The following NSUN3 variants were observed in gnomAD, a reference collection of about 807,000 sequenced individuals.
NSUN3 encodes the protein NOP2/Sun RNA methyltransferase 3.
In NSUN3, 24 loss-of-function variants were observed where a neutral mutation model predicts 36.8. The observed-to-expected ratio is 0.65, with a 90% confidence interval of 0.47 to 0.92. NSUN3 has a LOEUF of 0.92. Among genes scored for constraint, NSUN3 ranks in the 40% least tolerant of loss-of-function variants. NSUN3 has a pLI of 0.00. For missense variants in NSUN3, 381 were observed against 392.8 expected, an observed-to-expected ratio of 0.97 and a Z score of 0.25; for synonymous variants, 146 against 145.2, an observed-to-expected ratio of 1.01 and a Z score of -0.04.
chr3:94,076,982 G>T, intron 2 of NSUN3: 1 of 931,636 alleles, frequency 1.1e-6, no homozygotes, highest in Non-Finnish European at 1.8e-6. Context: ...AGGACAAGTC[G>T]ATGAATGCTG....
chr3:94,064,410 G>A (rs767712724), intron 1 of NSUN3, 27 bp from the exon 2 acceptor site: 1 of 1,408,648 alleles, frequency 7.1e-7, no homozygotes, highest in African/African-American at 1.4e-5. Context: ...ATCACTGTGT[G>A]TCAGCAACTT....
At chr3:94,113,652 G>C (rs1434937714) in intron 5 of NSUN3, among the ~76,000 whole-genome samples, 1 of 152,106 alleles carries the variant, frequency 6.6e-6, no homozygotes, top group African/African-American at 2.4e-5. Context: ...GGCAGAATCA[G>C]GTAAATGAAG....
chr3:94,109,882 G>A (rs949616579), intron 5 of NSUN3, among the ~76,000 whole-genome samples: 9 of 152,150 alleles, frequency 5.9e-5, no homozygotes, highest in Non-Finnish European at 1.2e-4. Flanking sequence ...TTCTGAGTAC[G>A]CCTTCAGAAT....
At chr3:94,096,763 C>T (rs528886260) in intron 5 of NSUN3, among the ~76,000 whole-genome samples, 205 of 152,220 alleles carry the variant, frequency 1.3e-3, no homozygotes, top group African/African-American at 4.8e-3. Context: ...GCCTCCCAAA[C>T]TGCTGGTATT....
chr3:94,073,261 A>G (rs1322420208), intron 2 of NSUN3, among the ~76,000 whole-genome samples: 1 of 152,208 alleles, frequency 6.6e-6, no homozygotes, highest in Non-Finnish European at 1.5e-5. Context: ...TGCAATAAAC[A>G]TATGTGTGCA....
chr3:94,131,647 G>A lies in NSUN3; in HGVS notation c.*5157G>A, dbSNP rs1479613902. ...CTGAGCTGAAGAATGGAAATTTGGA[G>A]CAGACTTGCAGTGTCAATTGTAAAG... is the stretch of plus-strand genomic sequence containing the variant. On this transcript the variant is annotated 3_prime_UTR_variant, in exon 6 of 6. Coordinates refer to ENST00000314622, the MANE Select transcript of NSUN3 (RefSeq NM_022072.5). 6.6e-6 allele frequency among the ~76,000 whole-genome samples: 1 copy of A among 152,198 alleles called. No homozygotes were observed. Among genetic ancestry groups the A allele is most frequent in the Non-Finnish European group, 1.5e-5 (1 of 68,036 alleles).
rs1158689405 is a variant in NSUN3, at chr3:94,123,974, T to A, written c.744-2237T>A. On this transcript the variant is annotated intron_variant, in intron 5 of 5. Transcript: ENST00000314622. ...CTAAATAAAAAAATGTGCAAACCTG[T>A]ACATATATGTATGTATGTATATGTG... Among the ~76,000 whole-genome samples the A allele has an allele frequency of 2.6e-5, 4 of 152,102 alleles. No homozygotes were observed. The East Asian group carries it at 7.7e-4, about 29-fold the overall frequency.
chr3:94,127,146 G>A lies in NSUN3; in HGVS notation c.*656G>A, dbSNP rs1177332414. The A allele has an allele frequency of 6.6e-6, 1 of 152,024 alleles. No homozygotes were observed. The highest frequency in any genetic ancestry group is 1.5e-5 in the Non-Finnish European group (1 of 68,028). 9.4% of individuals were successfully genotyped at this position (152,024 alleles called of 1,614,324 possible). A position where few individuals can be genotyped will look rare whatever the true frequency, so the allele number is the denominator to read the frequency against. Reference sequence around the variant, plus strand: ...TTGAAAGGGTAAATTATATTGAAAGGCCTTTAGAACAGCAGATTCACATGC... The same window carrying A: ...TTGAAAGGGTAAATTATATTGAAAGACCTTTAGAACAGCAGATTCACATGC... On this transcript the variant is annotated 3_prime_UTR_variant, in exon 6 of 6. Coordinates refer to ENST00000314622, the MANE Select transcript of NSUN3 (RefSeq NM_022072.5).
intron 5 of NSUN3, among the ~76,000 whole-genome samples, chr3:94,108,423 C>T (rs2077400458): frequency 2.0e-5 from 3 of 152,148 alleles, no homozygotes; most frequent in Admixed American, 6.6e-5. Flanking sequence ...TGCAGTGGCA[C>T]GATCTTGGCT....
Position 94,108,353 on chromosome 3 carries a change from TTTTG to T in NSUN3, c.743+13211_743+13214del, listed in dbSNP as rs1426617564. The stretch of plus-strand genomic sequence containing the variant: ...TTAATAAAGGTAGCATTTATTTGTT[TTTTG>T]TTTGTTTGTTTTATTTTATTTTGAG... On this transcript the variant is annotated intron_variant, in intron 5 of 5. Coordinates refer to ENST00000314622, the MANE Select transcript of NSUN3 (RefSeq NM_022072.5). Among the ~76,000 whole-genome samples the T allele has an allele frequency of 3.9e-5, 6 of 152,222 alleles. No homozygotes were observed. In the East Asian group the frequency reaches 9.6e-4, roughly 24 times the overall value.
At chr3:94,083,141 AG>A (rs2077277451) in intron 2 of NSUN3, among the ~76,000 whole-genome samples, 1 of 133,972 alleles carries the variant, frequency 7.5e-6, no homozygotes, top group African/African-American at 2.9e-5. Flanking sequence ...TACTGCAGGG[AG>A]GGACTAAGCT....
intron 2 of NSUN3, among the ~76,000 whole-genome samples, chr3:94,067,227 C>T (rs1384957188): frequency 1.3e-5 from 2 of 152,212 alleles, no homozygotes; most frequent in African/African-American, 4.8e-5. Context: ...TCATACATTA[C>T]TGCCAGCAAA....
At chr3:94,082,775 G>T (rs2077275115) in intron 2 of NSUN3, among the ~76,000 whole-genome samples, 1 of 152,170 alleles carries the variant, frequency 6.6e-6, no homozygotes, top group South Asian at 2.1e-4. Context: ...TGGACCGAAT[G>T]CAAATTTAAC....
intron 5 of NSUN3, among the ~76,000 whole-genome samples, chr3:94,124,375 C>T (rs959368307): frequency 7.9e-5 from 12 of 151,962 alleles, no homozygotes; most frequent in Non-Finnish European, 1.6e-4. Context: ...GATCCATCTG[C>T]CTCGGTCTCC....
rs182921469 is a variant in NSUN3, at chr3:94,070,168, T to C, written c.122+5622T>C. 2.2e-3 allele frequency among the ~76,000 whole-genome samples: 333 copies of C among 152,248 alleles called. 4 individuals carry two copies. Among genetic ancestry groups the C allele is most frequent in the Non-Finnish European group, 1.9e-3 (126 of 68,016 alleles). ...AATGAATGTTGACAAGAAGATAATATACGATGGCTCACACCTGTAATTCCA... is the reference window on the plus strand; with the variant it reads ...AATGAATGTTGACAAGAAGATAATACACGATGGCTCACACCTGTAATTCCA... On this transcript the variant is annotated intron_variant, in intron 2 of 5. Transcript: ENST00000314622.
At position 94,094,232 on chromosome 3, in the gene NSUN3, A is replaced by G. The variant is rs776124528; in HGVS notation, c.559A>G (p.Ile187Val). The change falls in exon 4 of 6, where the codon ATT becomes GTT. Residue 187 changes from isoleucine (I) to valine (V), a missense_variant. By Grantham distance (29) the Ile-to-Val change is conservative (BLOSUM62 3). Transcript: ENST00000314622. ...CATCCCACAGCCTTTGATAAATGTA[A>G]TTAAAGTGTCTGAATTGGATGGCAG... ...SFIPQPLINVIKVSELDGRKM... is the reference protein window; with the variant it reads ...SFIPQPLINVVKVSELDGRKM... 16 of 1,613,852 alleles carry G rather than the reference A, an allele frequency of 9.9e-6. No homozygotes were observed. Among genetic ancestry groups the G allele is most frequent in the Non-Finnish European group, 1.3e-5 (15 of 1,179,864 alleles).
chr3:94,089,083 T>C (rs920648786), intron 3 of NSUN3, among the ~76,000 whole-genome samples: 1 of 152,244 alleles, frequency 6.6e-6, no homozygotes, highest in Non-Finnish European at 1.5e-5. Flanking sequence ...TTTAATCTAA[T>C]GTCAACAACA....
Position 94,126,307 on chromosome 3 carries a change from A to C in NSUN3, c.840A>C (p.Leu280Phe). 1 of 1,614,170 alleles carries C rather than the reference A, an allele frequency of 6.2e-7. No homozygotes were observed. Among genetic ancestry groups the C allele is most frequent in the Non-Finnish European group, 8.5e-7 (1 of 1,180,006 alleles). ...ATCAAGATGTGATCAGTGAAATTTT[A>C]AACTCCCACGGTAACATCATGCCTA... ...AENQDVISEI[L>F]NSHGNIMPMD... The change falls in exon 6 of 6, where the codon TTA becomes TTC. Residue 280 changes from leucine to phenylalanine, a missense_variant. Transcript: ENST00000314622.
At chr3:94,106,597 T>C (rs2077390252) in intron 5 of NSUN3, among the ~76,000 whole-genome samples, 2 of 152,228 alleles carry the variant, frequency 1.3e-5, no homozygotes, top group African/African-American at 4.8e-5. Context: ...ATCTATTTGA[T>C]AGATTGTACA....
Sources: gnomAD v4.1 joint callset for allele counts (sites outside exome capture counted in the v4.1 genomes callset) on GRCh38, gnomAD v4.1.1 for gene constraint, MANE v1.5 for transcripts, NCBI Gene and HGNC (gene_info 2026-07-23, HGNC 2026-07-21) for gene names.